Variants in SV2C observed in about 807,000 individuals in gnomAD.
The protein encoded by SV2C is synaptic vesicle glycoprotein 2C.
Under a neutral mutation model 79.7 loss-of-function variants are expected in SV2C, and 49 were observed. The ratio of observed to expected loss-of-function variants is 0.61; its 90% CI spans 0.49 to 0.78. SV2C has a LOEUF of 0.78. Among genes scored for constraint, SV2C ranks in the 30% least tolerant of loss-of-function variants. The probability of loss-of-function intolerance (pLI) is 0.00; values close to 1 mark genes in which losing one functional copy is unlikely to be tolerated. For synonymous variants in SV2C, 334 were observed against 333.2 expected (o/e 1.00, Z -0.03); for missense variants, 833 against 912.9 (o/e 0.91, Z 1.13).
At chr5:76,146,778 A>G (rs1295758307) in intron 2 of SV2C, among the ~76,000 whole-genome samples, 2 of 145,032 alleles carry the variant, frequency 1.4e-5, no homozygotes, top group Non-Finnish European at 3.0e-5. Flanking sequence ...GAAAGATGAT[A>G]AAGGAATGAG....
chr5:76,254,257 T>TATAG lies in SV2C; in HGVS notation c.914-30904_914-30903insTAGA, dbSNP rs1053047235. ...GTGTGTGTGTATATATATATATATA[T>TATAG]AGAGAGAGAGAGAGAGATATTAAAA... On this transcript the variant is annotated intron_variant, in intron 4 of 12. Coordinates refer to ENST00000502798, the MANE Select transcript of SV2C (RefSeq NM_014979.4). Among the ~76,000 whole-genome samples, 544 of 149,392 alleles carry TATAG rather than the reference T, an allele frequency of 3.6e-3. 2 individuals are homozygous for TATAG. Among genetic ancestry groups the TATAG allele is most frequent in the African/African-American group, 0.013 (506 of 40,354 alleles).
At chr5:75,857,975 A>T in the SV2C span, among the ~76,000 whole-genome samples, 1 of 152,284 alleles carries the variant, frequency 6.6e-6, no homozygotes, top group African/African-American at 2.4e-5. Context: ...AACTTTACTG[A>T]TATTTAATTA....
Position 76,298,874 on chromosome 5 carries a change from T to C in SV2C, c.1583T>C (p.Val528Ala). The change falls in exon 10 of 13, where the codon GTG (valine) becomes GCG (alanine). Residue 528 changes from valine (V) to alanine (A), a missense_variant. Physicochemically the swap from Val to Ala is moderately conservative, Grantham distance 64. Coordinates refer to ENST00000502798, the MANE Select transcript of SV2C (RefSeq NM_014979.4). ...TGCACCTTTGAGGATGTAACTTCAG[T>C]GAACACCTACTTCAAGAACTGCACA... ...KSCTFEDVTS[V>A]NTYFKNCTFI... The C allele has an allele frequency of 6.2e-7, 1 of 1,614,010 alleles. No individual in the cohort carries two copies. The highest frequency in any genetic ancestry group is 1.1e-5 in the South Asian group (1 of 91,068).
At chr5:75,861,513 A>G in the SV2C span, among the ~76,000 whole-genome samples, 1 of 152,232 alleles carries the variant, frequency 6.6e-6, no homozygotes, top group Non-Finnish European at 1.5e-5. Context: ...CCAAAAAGAC[A>G]CATGCACTCA....
At chr5:76,267,105 G>A (rs984272664) in intron 4 of SV2C, among the ~76,000 whole-genome samples, 1 of 152,240 alleles carries the variant, frequency 6.6e-6, no homozygotes, top group African/African-American at 2.4e-5. Context: ...CGACATTCCT[G>A]AACACACGAC....
At chr5:76,177,241 A>T (rs986487417) in intron 2 of SV2C, among the ~76,000 whole-genome samples, 1 of 147,638 alleles carries the variant, frequency 6.8e-6, no homozygotes, top group Non-Finnish European at 1.5e-5. Context: ...TGTATATATG[A>T]TTCTTAATGC....
At chr5:75,924,373 C>T in the SV2C span, among the ~76,000 whole-genome samples, 1 of 151,988 alleles carries the variant, frequency 6.6e-6, no homozygotes, top group Non-Finnish European at 1.5e-5. Flanking sequence ...ATCCATGTAA[C>T]CAAAAACCAT....
At chr5:76,099,037 C>T (rs1474536082) in intron 1 of SV2C, among the ~76,000 whole-genome samples, 2 of 152,092 alleles carry the variant, frequency 1.3e-5, no homozygotes, top group Non-Finnish European at 2.9e-5. Context: ...TTCCTTATTA[C>T]CATATTATAT....
chr5:75,926,193 C>T, the SV2C span, among the ~76,000 whole-genome samples: 1 of 152,102 alleles, frequency 6.6e-6, no homozygotes, highest in Non-Finnish European at 1.5e-5. Flanking sequence ...CTCTCATCTG[C>T]TCCAAGGCTT....
At chr5:76,265,997 G>A (rs951727515) in intron 4 of SV2C, among the ~76,000 whole-genome samples, 32 of 152,184 alleles carry the variant, frequency 2.1e-4, no homozygotes, top group African/African-American at 7.7e-4. Flanking sequence ...TATGGCAGGG[G>A]AACCTGAACT....
chr5:76,231,095 T>A (rs963247961), intron 4 of SV2C, among the ~76,000 whole-genome samples: 1 of 148,554 alleles, frequency 6.7e-6, no homozygotes, highest in African/African-American at 2.6e-5. Context: ...GAATACAGTA[T>A]AGCCACAGTC....
chr5:76,340,010 GCCAAAACCCA>G (rs1346395305), intron 12 of SV2C, among the ~76,000 whole-genome samples: 2 of 152,108 alleles, frequency 1.3e-5, no homozygotes, highest in Non-Finnish European at 2.9e-5. Flanking sequence ...AAAGTAGCTG[GCCAAAACCCA>G]CCAAAACCGA....
intron 2 of SV2C, among the ~76,000 whole-genome samples, chr5:76,149,004 T>C: frequency 6.6e-6 from 1 of 152,206 alleles, no homozygotes; most frequent in South Asian, 2.1e-4. Context: ...TCGGGGTAGT[T>C]AGGGTTGCCA....
In SV2C at chr5:76,285,271, T is replaced by C. The variant is rs1020486064; in HGVS notation, c.1023T>C (p.Pro341=). The C allele has an allele frequency of 3.1e-6, 5 of 1,614,042 alleles. No homozygotes were observed. The highest frequency in any genetic ancestry group is 4.5e-5 in the East Asian group (2 of 44,888). Residue 341 remains proline, a synonymous_variant, in exon 5 of 13, where the codon CCT becomes CCC. Transcript: ENST00000502798. ...VSSVVALTFM[P]ESPRFLLEVG... is the part of the protein sequence containing the mutation. The stretch of plus-strand genomic sequence containing the variant: ...CCGTGGTGGCCCTCACATTCATGCC[T>C]GAAAGCCCACGATTCTTGTTGGAGG...
At chr5:76,334,589 C>T (rs1021884342), downstream of SV2C, among the ~76,000 whole-genome samples, 2 of 152,136 alleles carry the variant, frequency 1.3e-5, no homozygotes, top group Admixed American at 6.5e-5. Context: ...CTTTTGTCCC[C>T]CTATGGGCAT....
At chr5:76,220,869 G>A (rs1745046714) in intron 4 of SV2C, among the ~76,000 whole-genome samples, 1 of 152,118 alleles carries the variant, frequency 6.6e-6, no homozygotes, top group Admixed American at 6.5e-5. Flanking sequence ...GGATTCATAA[G>A]GATATGTCTG....
chr5:76,085,350 A>G (rs1007355001), intron 1 of SV2C, among the ~76,000 whole-genome samples: 1 of 152,226 alleles, frequency 6.6e-6, no homozygotes, highest in Non-Finnish European at 1.5e-5. Flanking sequence ...GCATAAAAAT[A>G]CGCGTTAAAA....
At chr5:76,341,120 G>A (rs559256492) in intron 12 of SV2C, among the ~76,000 whole-genome samples, 21 of 152,032 alleles carry the variant, frequency 1.4e-4, no homozygotes, top group African/African-American at 1.9e-4. Flanking sequence ...TAGTACAGAC[G>A]GGTTTTCACC....
At chr5:76,334,192 C>A (rs1749263921), downstream of SV2C, among the ~76,000 whole-genome samples, 1 of 152,154 alleles carries the variant, frequency 6.6e-6, no homozygotes, top group Non-Finnish European at 1.5e-5. Context: ...TGTGGCAAAG[C>A]AGATGCTTGT....
Sources: allele counts gnomAD v4.1 joint callset (sites outside exome capture counted in the v4.1 genomes callset), GRCh38; gene constraint gnomAD v4.1.1; transcripts MANE v1.5; gene names NCBI Gene and HGNC (gene_info 2026-07-23, HGNC 2026-07-21).